The following NKAIN2 variants were observed in gnomAD, a reference collection of about 807,000 sequenced individuals.
NKAIN2 encodes sodium/potassium-transporting ATPase subunit beta-1-interacting protein 2.
In NKAIN2, 14 loss-of-function variants were observed where a neutral mutation model predicts 32.6. That is an observed-to-expected ratio of 0.43 (90% CI 0.28 to 0.67). NKAIN2 has a LOEUF of 0.67. NKAIN2 is among the 30% of genes least tolerant of loss of function. The probability of loss-of-function intolerance (pLI) is 0.17; values close to 1 mark genes in which losing one functional copy is unlikely to be tolerated. For missense variants in NKAIN2, 198 were observed against 258.3 expected, an observed-to-expected ratio of 0.77 and a Z score of 1.60; for synonymous variants, 80 against 87.2, an observed-to-expected ratio of 0.92 and a Z score of 0.46.
intron 5 of NKAIN2, among the ~76,000 whole-genome samples, chr6:124,810,458 G>C (rs903081670): frequency 6.6e-6 from 1 of 151,882 alleles, no homozygotes; most frequent in Non-Finnish European, 1.5e-5. Flanking sequence ...ACAGGAAGGG[G>C]AACATCACAC....
chr6:124,130,120 G>A (rs138247456), intron 1 of NKAIN2, among the ~76,000 whole-genome samples: 98 of 152,188 alleles, frequency 6.4e-4, no homozygotes, highest in African/African-American at 2.2e-3. Flanking sequence ...CCCCTCTAAA[G>A]TAGCTGCGGT....
At chr6:123,914,480 C>T (rs2114469915) in intron 1 of NKAIN2, among the ~76,000 whole-genome samples, 2 of 152,120 alleles carry the variant, frequency 1.3e-5, no homozygotes, top group Non-Finnish European at 2.9e-5. Flanking sequence ...CTTTATTTAA[C>T]CTTACTTCCT....
Position 124,694,523 on chromosome 6 carries a change from A to G in NKAIN2, c.474+36137A>G, listed in dbSNP as rs146773048. Among the ~76,000 whole-genome samples, 37 of 152,330 alleles carry G rather than the reference A, an allele frequency of 2.4e-4. No homozygotes were observed. The East Asian group carries it at 6.4e-3, about 26-fold the overall frequency. On this transcript the variant is annotated intron_variant, in intron 4 of 6. Coordinates refer to ENST00000368417, the MANE Select transcript of NKAIN2 (RefSeq NM_001040214.3). Reference sequence around the variant, plus strand: ...ATTGTTGCCATTCCTGCTTTGGAATATGACTTCCCTAGAAAGCATTTCTTC... The same window carrying G: ...ATTGTTGCCATTCCTGCTTTGGAATGTGACTTCCCTAGAAAGCATTTCTTC...
chr6:124,389,966 CTGTG>C (rs1351168724), intron 3 of NKAIN2, among the ~76,000 whole-genome samples: 2 of 152,050 alleles, frequency 1.3e-5, no homozygotes, highest in African/African-American at 2.4e-5. Context: ...CATTAACAAG[CTGTG>C]TGTGAGTCCC....
At chr6:123,824,710 TG>T (rs1205034397) in intron 1 of NKAIN2, among the ~76,000 whole-genome samples, 1 of 150,228 alleles carries the variant, frequency 6.7e-6, no homozygotes, top group Non-Finnish European at 1.5e-5. Context: ...GTTCTACACA[TG>T]TATCCCAGAA....
At chr6:124,331,029 C>G (rs1273538096) in intron 2 of NKAIN2, among the ~76,000 whole-genome samples, 2 of 151,998 alleles carry the variant, frequency 1.3e-5, no homozygotes, top group Admixed American at 1.3e-4. Context: ...TCCCTGGTGC[C>G]AAAAAGGTTG....
At chr6:124,118,758 G>A (rs374101580) in intron 1 of NKAIN2, among the ~76,000 whole-genome samples, 65 of 152,114 alleles carry the variant, frequency 4.3e-4, no homozygotes, top group African/African-American at 1.6e-3. Context: ...TAAAAACTTA[G>A]AATATATAGA....
chr6:124,348,828 A>C (rs1056298547), intron 2 of NKAIN2, among the ~76,000 whole-genome samples: 1 of 152,158 alleles, frequency 6.6e-6, no homozygotes, highest in African/African-American at 2.4e-5. Context: ...GGGGTCAGGG[A>C]GTTCCCTTTC....
chr6:124,243,129 AG>A, intron 1 of NKAIN2, among the ~76,000 whole-genome samples: 1 of 152,158 alleles, frequency 6.6e-6, no homozygotes, highest in Non-Finnish European at 1.5e-5. Flanking sequence ...GAAAGGTGGA[AG>A]GACAGAAGTA....
At chr6:123,872,838 A>C (rs1772966302) in intron 1 of NKAIN2, among the ~76,000 whole-genome samples, 1 of 152,200 alleles carries the variant, frequency 6.6e-6, no homozygotes, top group African/African-American at 2.4e-5. Context: ...GGTAAGTGTG[A>C]TTGATTATGG....
intron 1 of NKAIN2, among the ~76,000 whole-genome samples, chr6:124,092,319 C>A (rs1384573363): frequency 6.6e-6 from 1 of 151,936 alleles, no homozygotes; most frequent in African/African-American, 2.4e-5. Flanking sequence ...GAACACATTT[C>A]TGTGCTTGGT....
intron 4 of NKAIN2, among the ~76,000 whole-genome samples, chr6:124,741,591 G>T (rs980876510): frequency 1.3e-5 from 2 of 151,844 alleles, no homozygotes; most frequent in African/African-American, 4.8e-5. Context: ...ACTAAGTCAG[G>T]TAAGAATAGA....
chr6:124,705,036 AAGAT>A (rs1774986342), intron 4 of NKAIN2, among the ~76,000 whole-genome samples: 1 of 152,076 alleles, frequency 6.6e-6, no homozygotes, highest in Admixed American at 6.6e-5. Context: ...TTTCTGCTAA[AAGAT>A]AGATGTCATC....
intron 4 of NKAIN2, among the ~76,000 whole-genome samples, chr6:124,709,732 T>A: frequency 6.6e-6 from 1 of 151,744 alleles, no homozygotes; most frequent in Non-Finnish European, 1.5e-5. Context: ...TTCTCTTTTT[T>A]CTTTATTGCC....
intron 3 of NKAIN2, among the ~76,000 whole-genome samples, chr6:124,379,785 G>A (rs1158358598): frequency 6.6e-6 from 1 of 152,150 alleles, no homozygotes; most frequent in African/African-American, 2.4e-5. Context: ...CATTTTGAAA[G>A]GAACTTGGCT....
At chr6:124,303,790 G>A (rs1246901739) in intron 2 of NKAIN2, among the ~76,000 whole-genome samples, 1 of 152,192 alleles carries the variant, frequency 6.6e-6, no homozygotes, top group Admixed American at 6.5e-5. Context: ...TATCAGACCT[G>A]CAGTATTCCC....
chr6:124,559,757 C>T (rs1166607032), intron 3 of NKAIN2, among the ~76,000 whole-genome samples: 3 of 150,084 alleles, frequency 2.0e-5, no homozygotes, highest in Non-Finnish European at 3.0e-5. Context: ...GGGTTCTGGT[C>T]TGAGGACTAC....
At chr6:123,905,104 A>T (rs1224517824) in intron 1 of NKAIN2, among the ~76,000 whole-genome samples, 1 of 152,164 alleles carries the variant, frequency 6.6e-6, no homozygotes, top group Non-Finnish European at 1.5e-5. Flanking sequence ...TTTTGTCAAG[A>T]ATGTGAAAAG....
intron 1 of NKAIN2, among the ~76,000 whole-genome samples, chr6:124,138,476 TC>T (rs1786948170): frequency 6.6e-6 from 1 of 151,948 alleles, no homozygotes; most frequent in Non-Finnish European, 1.5e-5. Context: ...GATCCGGCAA[TC>T]CCACTAGTGG....
Sources: gnomAD v4.1 joint callset for allele counts (sites outside exome capture counted in the v4.1 genomes callset) on GRCh38, gnomAD v4.1.1 for gene constraint, MANE v1.5 for transcripts, NCBI Gene and HGNC (gene_info 2026-07-23, HGNC 2026-07-21) for gene names.